The following COL6A6 variants were observed in gnomAD, a reference collection of about 807,000 sequenced individuals.
COL6A6 encodes collagen alpha-6(VI) chain.
Under a neutral mutation model 208.6 loss-of-function variants are expected in COL6A6, and 183 were observed. The ratio of observed to expected loss-of-function variants is 0.88; its 90% confidence interval spans 0.78 to 0.99. The LOEUF is 0.99. Ranked by LOEUF, COL6A6 falls within the 50% of genes least tolerant of loss-of-function variation. The probability of loss-of-function intolerance (pLI) is 0.00; values close to 1 mark genes in which losing one functional copy is unlikely to be tolerated. For missense variants in COL6A6, 2,816 were observed against 2,815.2 expected (o/e 1.00, Z -0.01); for synonymous variants, 973 against 1,011.8 (o/e 0.96, Z 0.73).
Position 130,565,184 on chromosome 3 carries a change from C to T in COL6A6, c.852C>T (p.Ser284=), listed in dbSNP as rs767440688. The T allele has an allele frequency of 1.2e-5, 19 of 1,613,936 alleles. 1 individual carries two copies. The South Asian group carries it at 2.1e-4, about 18-fold the overall frequency. The change falls in exon 4 of 37, where the codon AGC becomes AGT. Residue 284 remains serine (S), a synonymous_variant. Transcript: ENST00000358511. The part of the protein sequence containing the change: ...SNETKVINSL[S]MGINKSEVLQ... Reference sequence around the variant, plus strand: ...AGACAAAAGTGATAAATTCACTGAGCATGGGCATAAATAAGTCAGAGGTTC... The same window carrying T: ...AGACAAAAGTGATAAATTCACTGAGTATGGGCATAAATAAGTCAGAGGTTC...
At chr3:130,596,332 G>T (rs905038085) in intron 18 of COL6A6, among the ~76,000 whole-genome samples, 9 of 152,150 alleles carry the variant, frequency 5.9e-5, no homozygotes, top group Non-Finnish European at 1.2e-4. Flanking sequence ...TTGGGGCATT[G>T]CTATATAACC....
chr3:130,565,797 G>T (rs774500829), intron 4 of COL6A6, among the ~76,000 whole-genome samples, 183 bp downstream of exon 4: 4 of 152,148 alleles, frequency 2.6e-5, no homozygotes, highest in Non-Finnish European at 4.4e-5. Context: ...TGAGGTGTTG[G>T]CATGGGGAGA....
At chr3:130,584,980 T>C (rs964578924) in intron 10 of COL6A6, among the ~76,000 whole-genome samples, 4 of 152,208 alleles carry the variant, frequency 2.6e-5, no homozygotes, top group African/African-American at 4.8e-5. Flanking sequence ...CTCTCCAATA[T>C]GTCCCTGAAA....
chr3:130,528,236 A>G (rs1559951044), intron 1 of COL6A6, among the ~76,000 whole-genome samples: 2 of 152,176 alleles, frequency 1.3e-5, no homozygotes, highest in African/African-American at 4.8e-5. Flanking sequence ...AAAGAGGAAC[A>G]AAAAGGTTGC....
At chr3:130,568,010 G>A (rs1367556483) in intron 5 of COL6A6, 37 bp from the exon 6 acceptor site, 3 of 1,527,830 alleles carry the variant, frequency 2.0e-6, no homozygotes, top group East Asian at 2.3e-5. Context: ...TTTACATGTA[G>A]CTGACTTGAA....
At position 130,554,763 on chromosome 3, in the gene COL6A6, C is replaced by A. The variant is rs560461804; in HGVS notation, c.-31-5571C>A. Among the ~76,000 whole-genome samples the A allele has an allele frequency of 8.5e-5, 13 of 152,150 alleles. No individual in the cohort carries two copies. The South Asian group carries it at 2.5e-3, about 29-fold the overall frequency. On this transcript the variant is annotated intron_variant, in intron 1 of 36. Coordinates refer to ENST00000358511, the MANE Select transcript of COL6A6 (RefSeq NM_001102608.3). ...GTTGGCAAAGTGATGCAGGGGGTGG[C>A]CATGGGTGAGTGTTCACTGGTAAAG...
intron 1 of COL6A6, among the ~76,000 whole-genome samples, chr3:130,546,211 G>A (rs954168537): frequency 1.3e-5 from 2 of 152,102 alleles, no homozygotes; most frequent in Admixed American, 6.5e-5. Flanking sequence ...TCCTTCTGAC[G>A]TTCGGATGTG....
intron 24 of COL6A6, 59 bp downstream of exon 24, chr3:130,621,942 C>A: frequency 7.1e-7 from 1 of 1,401,804 alleles, no homozygotes; most frequent in South Asian, 1.2e-5. Flanking sequence ...AGAACTGTGT[C>A]TAATTGTATT....
Position 130,593,081 on chromosome 3 carries a change from A to G in COL6A6, c.4392A>G (p.Gly1464=). ...NGQEGEVGEN[G]IDGLNGEQGD... is the part of the protein sequence containing the mutation. ...TTCAGGGAGAAGTTGGGGAAAATGG[A>G]ATTGACGGATTAAACGGAGAACAGG... is the stretch of plus-strand genomic sequence containing the variant. Residue 1464 remains glycine, a synonymous_variant, in exon 16 of 37, where the codon GGA becomes GGG. Coordinates refer to ENST00000358511, the MANE Select transcript of COL6A6 (RefSeq NM_001102608.3). The G allele has an allele frequency of 1.9e-6, 3 of 1,613,648 alleles. No homozygotes were observed. The highest frequency in any genetic ancestry group is 2.5e-6 in the Non-Finnish European group (3 of 1,179,578).
intron 18 of COL6A6, among the ~76,000 whole-genome samples, chr3:130,595,514 A>G (rs187398341): frequency 6.6e-6 from 1 of 152,244 alleles, no homozygotes; most frequent in East Asian, 1.9e-4. Context: ...TCCTGTCACT[A>G]TTAATTAGTT....
chr3:130,602,121 A>G (rs1169644053), intron 20 of COL6A6, among the ~76,000 whole-genome samples: 2 of 152,212 alleles, frequency 1.3e-5, no homozygotes, highest in African/African-American at 2.4e-5. Flanking sequence ...GCTGCAAACA[A>G]TGAGGAGAGA....
intron 11 of COL6A6, 90 bp from the exon 12 acceptor site, chr3:130,589,000 G>A: frequency 1.2e-6 from 1 of 848,292 alleles, no homozygotes; most frequent in Non-Finnish European, 1.9e-6. Context: ...CTGAAACTGT[G>A]GTAGAAGTCT....
chr3:130,615,120 A>G (rs2064479199), intron 23 of COL6A6, among the ~76,000 whole-genome samples: 1 of 151,974 alleles, frequency 6.6e-6, no homozygotes, highest in Admixed American at 6.6e-5. Flanking sequence ...CGTCCCAGAG[A>G]TTCTGGTATG....
chr3:130,533,587 G>A (rs1054059116), intron 1 of COL6A6, among the ~76,000 whole-genome samples: 1 of 152,110 alleles, frequency 6.6e-6, no homozygotes, highest in African/African-American at 2.4e-5. Context: ...AAATATTACA[G>A]ACAAGTTAGA....
At position 130,566,829 on chromosome 3, in the gene COL6A6, C is replaced by T; in HGVS notation, c.1410C>T (p.Pro470=). The T allele has an allele frequency of 6.2e-7, 1 of 1,613,982 alleles. No homozygotes were observed. The highest frequency in any genetic ancestry group is 8.5e-7 in the Non-Finnish European group (1 of 1,179,898). ...TGGTAGGGATGTTCAACATTGCTCCCCATAAGGTGCGGGTTGGGGCCGTTC... is the reference window on the plus strand; with the variant it reads ...TGGTAGGGATGTTCAACATTGCTCCTCATAAGGTGCGGGTTGGGGCCGTTC... ...SEVVGMFNIA[P]HKVRVGAVQY... Residue 470 remains proline (P), a synonymous_variant, in exon 5 of 37, where the codon CCC becomes CCT. Transcript: ENST00000358511.
chr3:130,646,086 C>T (rs1046115480), intron 32 of COL6A6, among the ~76,000 whole-genome samples: 10 of 152,036 alleles, frequency 6.6e-5, no homozygotes, highest in Admixed American at 3.3e-4. Flanking sequence ...ACATTAGGTG[C>T]TATTTGAAAG....
intron 1 of COL6A6, among the ~76,000 whole-genome samples, chr3:130,531,679 T>C (rs2062100005): frequency 6.6e-6 from 1 of 152,196 alleles, no homozygotes; most frequent in African/African-American, 2.4e-5. Context: ...GCCTGTGCTT[T>C]GTCCTTCTCC....
At chr3:130,556,573 TTTA>T (rs2062772058) in intron 1 of COL6A6, among the ~76,000 whole-genome samples, 4 of 152,200 alleles carry the variant, frequency 2.6e-5, no homozygotes. Flanking sequence ...ATTTTCTCTT[TTTA>T]TTATTGATCA....
At chr3:130,645,532 C>T (rs2065441994) in intron 32 of COL6A6, among the ~76,000 whole-genome samples, 1 of 152,306 alleles carries the variant, frequency 6.6e-6, no homozygotes, top group South Asian at 2.1e-4. Flanking sequence ...CCTGCTTTGG[C>T]ATCTCAAAGT....
Sources: gnomAD v4.1 joint callset for allele counts (sites outside exome capture counted in the v4.1 genomes callset) on GRCh38, gnomAD v4.1.1 for gene constraint, MANE v1.5 for transcripts, NCBI Gene and HGNC (gene_info 2026-07-23, HGNC 2026-07-21) for gene names.